HDAC8: variants seen among roughly 807,000 people sequenced by gnomAD.
The protein encoded by HDAC8 is histone deacetylase-like 1.
In HDAC8, 1 loss-of-function variant was observed where a neutral mutation model predicts 32.2. The observed-to-expected ratio is 0.03, with a 90% CI of 0.01 to 0.15. The LOEUF (loss-of-function observed/expected upper bound fraction) is 0.15, where lower values mean the gene tolerates loss of function less well. HDAC8 is among the 10% of genes least tolerant of loss of function. The pLI, the probability that HDAC8 is intolerant of heterozygous loss-of-function variation, is 1.00. For missense variants in HDAC8, 117 were observed against 300.0 expected (o/e 0.39, Z 4.51); for synonymous variants, 108 against 113.9 (o/e 0.95, Z 0.33).
chrX:72,349,741 C>A (rs781956510), intron 10 of HDAC8, among the ~76,000 whole-genome samples: 4 of 111,913 alleles, frequency 3.6e-5, no homozygotes, highest in Non-Finnish European at 7.5e-5. Flanking sequence ...TCTTCTCTCA[C>A]TTGTCATTTC....
At chrX:72,538,302 A>T (rs1556040579) in intron 4 of HDAC8, among the ~76,000 whole-genome samples, 1 of 108,298 alleles carries the variant, frequency 9.2e-6, no homozygotes, top group African/African-American at 3.4e-5. Context: ...TTGTGCATCA[A>T]CCTCCCGAGT....
At chrX:72,566,884 C>T (rs1466975311) in intron 4 of HDAC8, among the ~76,000 whole-genome samples, 1 of 111,721 alleles carries the variant, frequency 9.0e-6, no homozygotes, top group Non-Finnish European at 1.9e-5. Flanking sequence ...GGTGGCTCAC[C>T]CCTGTAATCC....
chrX:72,398,582 G>T (rs782411277), intron 9 of HDAC8, among the ~76,000 whole-genome samples: 2 of 107,145 alleles, frequency 1.9e-5, no homozygotes, highest in East Asian at 5.8e-4. Flanking sequence ...CAATCCTCCT[G>T]CCTCGACCGA....
chrX:72,524,855 T>C (rs371994551), intron 4 of HDAC8, among the ~76,000 whole-genome samples: 21 of 111,325 alleles, frequency 1.9e-4, no homozygotes, highest in East Asian at 1.7e-3. Flanking sequence ...CCCTACATGG[T>C]GCCCTTACTA....
chrX:72,343,861 T>C (rs1231609615), intron 10 of HDAC8, among the ~76,000 whole-genome samples: 13 of 112,816 alleles, frequency 1.2e-4, no homozygotes, highest in African/African-American at 4.2e-4. Context: ...CTGGCACATA[T>C]TAACACTAAA....
intron 5 of HDAC8, among the ~76,000 whole-genome samples, chrX:72,493,577 G>A (rs1347144110): frequency 2.7e-5 from 3 of 111,514 alleles, no homozygotes; most frequent in African/African-American, 6.5e-5. Context: ...AAACATTTTC[G>A]GCTTTGCAAA....
chrX:72,571,498 C>T (rs782608881), intron 2 of HDAC8, among the ~76,000 whole-genome samples: 11 of 108,045 alleles, frequency 1.0e-4, no homozygotes, highest in African/African-American at 3.0e-4. Context: ...TTAACTGCTT[C>T]CTGCACTTTC....
intron 9 of HDAC8, among the ~76,000 whole-genome samples, chrX:72,416,408 GTTTTTTTTTTTTTTTTTTTTTTTTTTT>G (rs549411405): frequency 2.7e-4 from 1 of 3,686 alleles, no homozygotes; most frequent in Non-Finnish European, 8.5e-4. Context: ...TGTCTTCTCT[GTTTTTTTTTTTTTTTTTTTTTTTTTTT>G]TTTTTTTTTG....
intron 4 of HDAC8, among the ~76,000 whole-genome samples, chrX:72,495,513 C>A (rs1180429503): frequency 8.9e-6 from 1 of 111,830 alleles, no homozygotes; most frequent in Non-Finnish European, 1.9e-5. Context: ...ATTTTCAAAG[C>A]ATTAGAATAT....
intron 10 of HDAC8, among the ~76,000 whole-genome samples, chrX:72,333,434 A>T (rs782787342): frequency 1.8e-5 from 2 of 112,033 alleles, no homozygotes; most frequent in African/African-American, 3.2e-5. Context: ...CATGCCTGTA[A>T]TCCCAGCGCT....
intron 9 of HDAC8, among the ~76,000 whole-genome samples, chrX:72,443,992 G>C (rs28769572): frequency 0.037 from 4,060 of 108,282 alleles, 216 homozygotes; most frequent in African/African-American, 0.14. Context: ...CCAGGAAGAA[G>C]TTGAATCTCT....
intron 7 of HDAC8, among the ~76,000 whole-genome samples, chrX:72,472,943 C>A (rs1340269145): frequency 9.0e-6 from 1 of 111,048 alleles, no homozygotes; most frequent in African/African-American, 3.3e-5. Context: ...CTAATCTAGC[C>A]CTTATGACCA....
At chrX:72,343,927 G>A (rs2043956440) in intron 10 of HDAC8, among the ~76,000 whole-genome samples, 1 of 113,122 alleles carries the variant, frequency 8.8e-6, no homozygotes, top group African/African-American at 3.2e-5. Flanking sequence ...AGAAGGCAGA[G>A]TAGAAAGTCA....
At chrX:72,452,722 G>T (rs1260734904) in intron 9 of HDAC8, among the ~76,000 whole-genome samples, 1 of 111,769 alleles carries the variant, frequency 8.9e-6, no homozygotes, top group Non-Finnish European at 1.9e-5. Flanking sequence ...TAATCCTCTT[G>T]AAATCCAATT....
chrX:72,364,933 T>C (rs781880853), intron 9 of HDAC8, among the ~76,000 whole-genome samples: 1 of 111,843 alleles, frequency 8.9e-6, no homozygotes. Context: ...CAAAGAAAAC[T>C]ATATCTAACC....
chrX:72,447,957 A>G (rs1341717586), intron 9 of HDAC8, among the ~76,000 whole-genome samples: 1 of 112,258 alleles, frequency 8.9e-6, no homozygotes, highest in Non-Finnish European at 1.9e-5. Flanking sequence ...ATGGAAAAAC[A>G]TTCCATGTTC....
At chrX:72,554,121 T>A (rs1556084340) in intron 4 of HDAC8, among the ~76,000 whole-genome samples, 2 of 111,930 alleles carry the variant, frequency 1.8e-5, no homozygotes, top group African/African-American at 3.2e-5. Context: ...CAAAATAATA[T>A]CATATCATTA....
chrX:72,419,346 T>A (rs1376827020), intron 9 of HDAC8, among the ~76,000 whole-genome samples: 1 of 111,762 alleles, frequency 8.9e-6, no homozygotes, highest in Non-Finnish European at 1.9e-5. Context: ...TTGGTTGAGT[T>A]TATTCTATTA....
rs782808533 is a variant in HDAC8, at chrX:72,444,536, CA to C, written c.1005+17467del. Among the ~76,000 whole-genome samples the C allele has an allele frequency of 4.1e-3, 435 of 106,769 alleles. 3 individuals carry two copies. Among genetic ancestry groups the C allele is most frequent in the Non-Finnish European group, 6.3e-3 (324 of 51,734 alleles). The allele number at this position is 106,769 out of a possible 115,157, so 92.7% of individuals were successfully genotyped here. A position where few individuals can be genotyped will look rare whatever the true frequency, so the allele number is the denominator to read the frequency against. ...AATTAGGTATTGATGGGACGTATCTCAAAATAATAAGAGCTATCTATGACAA... is the reference window on the plus strand; with the variant it reads ...AATTAGGTATTGATGGGACGTATCTCAAATAATAAGAGCTATCTATGACAA... On this transcript the variant is annotated intron_variant, in intron 9 of 10. Coordinates refer to ENST00000373573, the MANE Select transcript of HDAC8 (RefSeq NM_018486.3).
Sources: allele counts gnomAD v4.1 joint callset (sites outside exome capture counted in the v4.1 genomes callset), GRCh38; gene constraint gnomAD v4.1.1; transcripts MANE v1.5; gene names NCBI Gene and HGNC (gene_info 2026-07-23, HGNC 2026-07-21).